Variants in STAB2 observed in about 807,000 individuals in gnomAD.
The protein encoded by STAB2 is stabilin-2.
Under a neutral mutation model 338.1 loss-of-function variants are expected in STAB2, and 288 were observed. That is an observed-to-expected ratio of 0.85 (90% CI 0.77 to 0.94). STAB2 has a LOEUF of 0.94. Among genes scored for constraint, STAB2 ranks in the 40% least tolerant of loss-of-function variants. STAB2 has a pLI of 0.00. For missense variants in STAB2, 3,141 were observed against 3,210.1 expected, an observed-to-expected ratio of 0.98 and a Z score of 0.52; for synonymous variants, 1,202 against 1,193.3, an observed-to-expected ratio of 1.01 and a Z score of -0.15.
chr12:103,678,736 T>C (rs1219387079), intron 25 of STAB2, among the ~76,000 whole-genome samples: 1 of 152,120 alleles, frequency 6.6e-6, no homozygotes, highest in African/African-American at 2.4e-5. Context: ...TTTTCCATGT[T>C]GGTCAGGCTG....
intron 49 of STAB2, among the ~76,000 whole-genome samples, chr12:103,730,606 G>A (rs140150584): frequency 0.014 from 2,057 of 152,180 alleles, 26 homozygotes; most frequent in Non-Finnish European, 0.019. Flanking sequence ...TATAGGTCAA[G>A]GTCTTCCACA....
intron 50 of STAB2, among the ~76,000 whole-genome samples, chr12:103,732,378 T>G (rs2139082167): frequency 6.6e-6 from 1 of 152,268 alleles, no homozygotes; most frequent in East Asian, 1.9e-4. Context: ...ACTTCCAGTA[T>G]GAACAAAAGA....
rs980998828 is a variant in STAB2 at position 103,748,840 on chromosome 12, C to T, written c.6245-123C>T. On this transcript the variant is annotated intron_variant, in intron 58 of 68. Coordinates refer to ENST00000388887, the MANE Select transcript of STAB2 (RefSeq NM_017564.10). ...GCCACAGGGCATGGAGAGAGAAGCA[C>T]GAACACGCAGGGGCCCATTTACTCA... 7.0e-5 allele frequency: 71 copies of T among 1,014,398 alleles called. 1 individual carries two copies. The South Asian group carries it at 7.5e-4, about 11-fold the overall frequency. The allele number at this position is 1,014,398 out of a possible 1,614,324, so 62.8% of individuals were successfully genotyped here. A position where few individuals can be genotyped will look rare whatever the true frequency, so the allele number is the denominator to read the frequency against.
At chr12:103,639,154 C>A (rs1415156977) in intron 8 of STAB2, among the ~76,000 whole-genome samples, 1 of 152,134 alleles carries the variant, frequency 6.6e-6, no homozygotes, top group Admixed American at 6.5e-5. Flanking sequence ...AATGTCAAGA[C>A]CTCGCATGTG....
intron 51 of STAB2, among the ~76,000 whole-genome samples, chr12:103,733,938 T>G (rs555588889): frequency 6.9e-6 from 1 of 144,194 alleles, no homozygotes; most frequent in Non-Finnish European, 1.5e-5. Flanking sequence ...GGAGCAAGCA[T>G]GATCACATAG....
At chr12:103,726,054 A>G in intron 45 of STAB2, 62 bp from the exon 46 acceptor site, 1 of 1,578,686 alleles carries the variant, frequency 6.3e-7, no homozygotes, top group Middle Eastern at 1.7e-4. Context: ...ATCCCATGAC[A>G]ACCCTGTATT....
At chr12:103,678,768 G>T (rs896700384) in intron 25 of STAB2, among the ~76,000 whole-genome samples, 6 of 152,060 alleles carry the variant, frequency 3.9e-5, no homozygotes, top group Admixed American at 2.6e-4. Flanking sequence ...CCGATCTCAG[G>T]TGATCCACCT....
At position 103,587,327 on chromosome 12, in the gene STAB2, T is replaced by G; in HGVS notation, c.-150T>G. The G allele has an allele frequency of 4.4e-6, 3 of 686,608 alleles. No individual in the cohort carries two copies. Among genetic ancestry groups the G allele is most frequent in the Non-Finnish European group, 7.3e-6 (3 of 410,372 alleles). The allele number at this position is 686,608 out of a possible 1,614,324, so 42.5% of individuals were successfully genotyped here. A position where few individuals can be genotyped will look rare whatever the true frequency, so the allele number is the denominator to read the frequency against. On this transcript the variant is annotated 5_prime_UTR_variant, in exon 1 of 69. Coordinates refer to ENST00000388887, the MANE Select transcript of STAB2 (RefSeq NM_017564.10). ...TTTCTGAAGGCAGGTCTCACCTATC[T>G]CCTGGTTCGATCTAGGAAAAAGGAA...
rs1329100324 is a variant in STAB2, at chr12:103,701,732, C to T, written c.3715-1416C>T. On this transcript the variant is annotated intron_variant, in intron 34 of 68. Transcript: ENST00000388887. Reference sequence around the variant, plus strand: ...GTTTCCTCTTAATTTTCCAAATGTACACAGACCTTGGAACACCTCTGTGGA... The same window carrying T: ...GTTTCCTCTTAATTTTCCAAATGTATACAGACCTTGGAACACCTCTGTGGA... Among the ~76,000 whole-genome samples, 3 of 152,084 alleles carry T rather than the reference C, an allele frequency of 2.0e-5. No individual in the cohort carries two copies. The East Asian group carries it at 5.8e-4, about 29-fold the overall frequency.
At chr12:103,750,553 C>T in intron 59 of STAB2, 26 bp from the exon 60 acceptor site, 1 of 1,610,772 alleles carries the variant, frequency 6.2e-7, no homozygotes, top group Non-Finnish European at 8.5e-7. Context: ...GGAACTTTTT[C>T]ATCTCTTCCC....
intron 30 of STAB2, 79 bp downstream of exon 30, chr12:103,690,617 T>C: frequency 1.6e-6 from 2 of 1,280,614 alleles, no homozygotes; most frequent in South Asian, 1.4e-5. Context: ...TTTCATGTTA[T>C]GGGAACTTCC....
rs533321565 is a variant in STAB2, at chr12:103,650,307, G to A, written c.1175-189G>A. On this transcript the variant is annotated intron_variant, in intron 10 of 68. Transcript: ENST00000388887. ...ACGGCATTATGTGGAATGTATTGAG[G>A]CCATGGCTTTAGGGTGCCTTACATT... Among the ~76,000 whole-genome samples, 23 of 152,264 alleles carry A rather than the reference G, an allele frequency of 1.5e-4. No homozygotes were observed. In the South Asian group the frequency reaches 4.1e-3, roughly 27 times the overall value.
At chr12:103,607,459 C>A (rs542514326) in intron 3 of STAB2, among the ~76,000 whole-genome samples, 1 of 144,030 alleles carries the variant, frequency 6.9e-6, no homozygotes, top group Non-Finnish European at 1.6e-5. Context: ...CATATGTATA[C>A]GTGTGCCATG....
intron 3 of STAB2, among the ~76,000 whole-genome samples, chr12:103,613,659 C>T (rs988594795): frequency 6.6e-6 from 1 of 152,174 alleles, no homozygotes; most frequent in Non-Finnish European, 1.5e-5. Context: ...CCTCGCCCTG[C>T]TTCAGCTCAC....
intron 24 of STAB2, among the ~76,000 whole-genome samples, chr12:103,676,670 C>T (rs762627688): frequency 1.3e-5 from 2 of 152,220 alleles, no homozygotes; most frequent in East Asian, 1.9e-4. Context: ...CAGAACCTAC[C>T]ATTGCTTTCA....
chr12:103,600,932 G>C (rs563106785), intron 3 of STAB2, among the ~76,000 whole-genome samples: 2 of 103,354 alleles, frequency 1.9e-5, no homozygotes, highest in Non-Finnish European at 3.7e-5. Context: ...AAAATATGAA[G>C]AGAAATTATT....
Position 103,750,499 on chromosome 12 carries a change from A to G in STAB2, c.6439-80A>G, listed in dbSNP as rs1883531904. The G allele has an allele frequency of 2.5e-6, 4 of 1,569,318 alleles. No individual in the cohort carries two copies. The Admixed American group carries it at 6.9e-5, about 27-fold the overall frequency. ...TCCATCTGAACACCTCCTAGGCTGG[A>G]CATTGGTCCCATGGGCACTTGGGCA... On this transcript the variant is annotated intron_variant, in intron 59 of 68. Transcript: ENST00000388887.
At chr12:103,711,640 CTT>C (rs1310232484) in intron 40 of STAB2, 124 bp downstream of exon 40, 8 of 1,136,616 alleles carry the variant, frequency 7.0e-6, no homozygotes, top group Admixed American at 2.4e-5. Flanking sequence ...TTAGGATAAA[CTT>C]GAGTATGAAA....
At chr12:103,702,162 CAAATT>C (rs1878940402) in intron 34 of STAB2, among the ~76,000 whole-genome samples, 2 of 146,776 alleles carry the variant, frequency 1.4e-5, no homozygotes, top group Non-Finnish European at 3.0e-5. Context: ...AAAATCAAAA[CAAATT>C]GCAACTCAAA....
Sources: allele counts gnomAD v4.1 joint callset (sites outside exome capture counted in the v4.1 genomes callset), GRCh38; gene constraint gnomAD v4.1.1; transcripts MANE v1.5; gene names NCBI Gene and HGNC (gene_info 2026-07-23, HGNC 2026-07-21).